PDE11A: variants seen among roughly 807,000 people sequenced by gnomAD.
PDE11A encodes phosphodiesterase 11A, also known as dual 3',5'-cyclic-AMP and -GMP phosphodiesterase 11A.
PDE11A carries 100 observed loss-of-function variants against 100.5 expected under a neutral mutation model. The ratio of observed to expected loss-of-function variants is 1.00; its 90% confidence interval spans 0.85 to 1.18. The LOEUF is 1.18. Among genes scored for constraint, PDE11A ranks in the 50% most tolerant of loss-of-function variants. PDE11A has a pLI of 0.00. For missense variants in PDE11A, 1,141 were observed against 1,152.6 expected (o/e 0.99, Z 0.15); for synonymous variants, 381 against 420.8 (o/e 0.91, Z 1.16).
chr2:177,756,748 C>T (rs1408695432), intron 10 of PDE11A, among the ~76,000 whole-genome samples: 1 of 152,234 alleles, frequency 6.6e-6, no homozygotes. Flanking sequence ...CGCCCACAAA[C>T]ATGTCCCTTG....
chr2:177,993,505 G>A (rs1445293175), intron 2 of PDE11A, among the ~76,000 whole-genome samples: 1 of 152,020 alleles, frequency 6.6e-6, no homozygotes, highest in African/African-American at 2.4e-5. Context: ...GATAAAATAA[G>A]GCTTGTGCAG....
chr2:178,036,165 C>G (rs944711870), intron 1 of PDE11A, among the ~76,000 whole-genome samples: 2 of 152,222 alleles, frequency 1.3e-5, no homozygotes, highest in African/African-American at 4.8e-5. Flanking sequence ...TGATAAGCAA[C>G]TTCAGCAAAG....
Position 177,875,932 on chromosome 2 carries a change from T to C in PDE11A, c.1303-9A>G, listed in dbSNP as rs112585997. The C allele has an allele frequency of 6.1e-5, 96 of 1,572,116 alleles. No individual in the cohort carries two copies. The African/African-American group carries it at 7.5e-4, about 12-fold the overall frequency. ...TTGGTAAATTTCACCACCTGTCGCATAGAAAGATAATAAATCCAGGTCAAT... is the reference window on the plus strand; with the variant it reads ...TTGGTAAATTTCACCACCTGTCGCACAGAAAGATAATAAATCCAGGTCAAT... On this transcript the variant is annotated splice_polypyrimidine_tract_variant and intron_variant, in intron 4 of 19. Coordinates refer to ENST00000286063, the MANE Select transcript of PDE11A (RefSeq NM_016953.4).
chr2:177,901,103 A>G (rs2084688068), intron 3 of PDE11A, among the ~76,000 whole-genome samples: 1 of 152,172 alleles, frequency 6.6e-6, no homozygotes, highest in South Asian at 2.1e-4. Context: ...TAGCCACAAG[A>G]TCAGAAATTA....
intron 5 of PDE11A, among the ~76,000 whole-genome samples, chr2:177,873,868 A>G (rs2084186718): frequency 6.6e-6 from 1 of 152,234 alleles, no homozygotes; most frequent in Non-Finnish European, 1.5e-5. Flanking sequence ...TAAAGGCAAT[A>G]ATGGATATAA....
intron 9 of PDE11A, among the ~76,000 whole-genome samples, chr2:177,798,644 T>C (rs913230492): frequency 3.9e-5 from 6 of 152,182 alleles, no homozygotes; most frequent in Non-Finnish European, 7.3e-5. Flanking sequence ...TGGATTCTGG[T>C]ATAAAATGAT....
At chr2:177,645,856 A>T (rs1409189916) in intron 19 of PDE11A, among the ~76,000 whole-genome samples, 12 of 152,326 alleles carry the variant, frequency 7.9e-5, no homozygotes. Flanking sequence ...ATTAGTAATA[A>T]GTTAGGAAGA....
intron 2 of PDE11A, among the ~76,000 whole-genome samples, chr2:177,966,522 C>T (rs1249103712): frequency 6.6e-6 from 1 of 151,740 alleles, no homozygotes; most frequent in African/African-American, 2.4e-5. Flanking sequence ...TGTTCCTGTT[C>T]CTTCAATGCC....
rs754868041 is a variant in PDE11A, at chr2:177,728,084, G to T, written c.1877C>A (p.Ala626Asp). Residue 626 changes from alanine (A) to aspartate (D), a missense_variant, in exon 11 of 20, where the codon GCT becomes GAT. By Grantham distance (126) the Ala-to-Asp change is moderately radical. Coordinates refer to ENST00000286063, the MANE Select transcript of PDE11A (RefSeq NM_016953.4). ...FSLDVDAMIT[A>D]ALRMFMELGM... The stretch of plus-strand genomic sequence containing the variant: ...CAGCTCCATGAACATCCGGAGAGCA[G>T]CTGTGATCATGGCATCAACGTCGAG... 1.9e-6 allele frequency: 3 copies of T among 1,612,554 alleles called. No homozygotes were observed. Among genetic ancestry groups the T allele is most frequent in the Non-Finnish European group, 2.5e-6 (3 of 1,178,694 alleles).
chr2:178,085,104 G>A (rs74619199), intron 2 of PDE11A, among the ~76,000 whole-genome samples: 1,818 of 152,270 alleles, frequency 0.012, 31 homozygotes, highest in East Asian at 0.071. Flanking sequence ...ATGTGAATGA[G>A]AAATATTAAT....
intron 2 of PDE11A, among the ~76,000 whole-genome samples, chr2:177,988,045 C>T (rs2085961392): frequency 6.6e-6 from 1 of 152,208 alleles, no homozygotes; most frequent in East Asian, 1.9e-4. Flanking sequence ...AAATCTTGTG[C>T]AGAAGTGTCT....
chr2:178,028,415 T>A (rs1045827405), intron 1 of PDE11A, among the ~76,000 whole-genome samples: 1 of 151,976 alleles, frequency 6.6e-6, no homozygotes, highest in African/African-American at 2.4e-5. Flanking sequence ...AGAGGATGGA[T>A]CCCATCAGCA....
intron 1 of PDE11A, among the ~76,000 whole-genome samples, chr2:178,058,287 C>A (rs2086924268): frequency 6.6e-6 from 1 of 152,164 alleles, no homozygotes; most frequent in African/African-American, 2.4e-5. Flanking sequence ...GTGTCCCCAG[C>A]CAAATCTCAT....
At chr2:178,104,193 G>T in intron 2 of PDE11A, 1 of 954,310 alleles carries the variant, frequency 1.0e-6, no homozygotes, top group Non-Finnish European at 1.7e-6. Flanking sequence ...TATGTAAAGA[G>T]TGGTCCATTT....
intron 2 of PDE11A, among the ~76,000 whole-genome samples, chr2:178,080,830 C>A (rs1258272795): frequency 1.3e-5 from 2 of 151,874 alleles, no homozygotes; most frequent in South Asian, 4.2e-4. Context: ...AAAAAACATG[C>A]CAACCCTCAA....
intron 18 of PDE11A, among the ~76,000 whole-genome samples, chr2:177,666,527 C>G (rs2365620): frequency 0.81 from 123,921 of 152,156 alleles, 51,169 homozygotes; most frequent in East Asian, 0.98. Context: ...AATGTATGAG[C>G]TTCCAATTTT....
At chr2:177,801,387 GAATGGTGACTACCA>G (rs1465696364) in intron 9 of PDE11A, among the ~76,000 whole-genome samples, 2 of 152,268 alleles carry the variant, frequency 1.3e-5, no homozygotes, top group East Asian at 3.9e-4. Flanking sequence ...TCGGTATGGA[GAATGGTGACTACCA>G]AAAAGTAGAA....
intron 2 of PDE11A, among the ~76,000 whole-genome samples, chr2:178,094,205 A>T (rs2087459722): frequency 1.3e-5 from 2 of 151,936 alleles, no homozygotes; most frequent in Admixed American, 1.3e-4. Flanking sequence ...CACACACCAC[A>T]TACATACACA....
intron 5 of PDE11A, among the ~76,000 whole-genome samples, chr2:177,872,811 G>C (rs1361248039): frequency 6.6e-6 from 1 of 151,956 alleles, no homozygotes; most frequent in East Asian, 1.9e-4. Flanking sequence ...CATGTCACTG[G>C]TGAAGTAAAT....
Sources: allele counts gnomAD v4.1 joint callset (sites outside exome capture counted in the v4.1 genomes callset), GRCh38; gene constraint gnomAD v4.1.1; transcripts MANE v1.5; gene names NCBI Gene and HGNC (gene_info 2026-07-23, HGNC 2026-07-21).